The following SAMHD1 variants were observed in gnomAD, a reference collection of about 807,000 sequenced individuals.
SAMHD1 encodes deoxynucleoside triphosphate triphosphohydrolase SAMHD1.
SAMHD1 carries 54 observed loss-of-function variants against 79.6 expected under a neutral mutation model. The ratio of observed to expected loss-of-function variants is 0.68; its 90% CI spans 0.55 to 0.85. The LOEUF is 0.85. SAMHD1 is among the 40% of genes least tolerant of loss of function. The pLI is 0.00. For synonymous variants in SAMHD1, 260 were observed against 264.1 expected (o/e 0.98, Z 0.15); for missense variants, 663 against 782.7 (o/e 0.85, Z 1.82).
intron 7 of SAMHD1, among the ~76,000 whole-genome samples, chr20:36,917,643 A>G (rs530804809): frequency 2.0e-4 from 31 of 152,204 alleles, no homozygotes; most frequent in Non-Finnish European, 3.8e-4. Flanking sequence ...AGAGCAAGAC[A>G]CCGTCTCAAA....
chr20:36,938,565 G>T (rs1030222163), intron 3 of SAMHD1, among the ~76,000 whole-genome samples: 2 of 151,818 alleles, frequency 1.3e-5, no homozygotes, highest in Admixed American at 6.6e-5. Flanking sequence ...GGACAGGCAC[G>T]GTGGCACGTG....
chr20:36,891,982 G>C lies in SAMHD1; in HGVS notation c.*950C>G, dbSNP rs1990086117. On this transcript the variant is annotated 3_prime_UTR_variant, in exon 16 of 16. Transcript: ENST00000646673. The stretch of plus-strand genomic sequence containing the variant: ...CCAGGATACTGAGAGAGCAGGTCAG[G>C]GGAGGCCTTCTCCAGGCTGGGCAGT... 1 of 152,346 alleles carries C rather than the reference G, an allele frequency of 6.6e-6. No individual in the cohort carries two copies. The highest frequency in any genetic ancestry group is 1.5e-5 in the Non-Finnish European group (1 of 68,142). The allele number at this position is 152,346 out of a possible 1,614,324, so 9.4% of individuals were successfully genotyped here.
At chr20:36,936,852 G>A (rs1342986008) in intron 3 of SAMHD1, among the ~76,000 whole-genome samples, 1 of 151,848 alleles carries the variant, frequency 6.6e-6, no homozygotes, top group African/African-American at 2.4e-5. Context: ...GTAGAGATGG[G>A]GTTTCTGGCA....
chr20:36,916,549 T>G (rs576768014), intron 9 of SAMHD1, 173 bp downstream of exon 9: 1 of 610,334 alleles, frequency 1.6e-6, no homozygotes, highest in East Asian at 3.0e-5. Context: ...CATGTTAATT[T>G]TATTATTATT....
rs543396174 is a variant in SAMHD1, at chr20:36,930,428, G to A, written c.625+332C>T. On this transcript the variant is annotated intron_variant, in intron 5 of 15. Transcript: ENST00000646673. ...CGAGAATTGCTTGAAACCAGGAAGCGGAGGTTGCAGTGAACCGATAATGAG... is the reference window on the plus strand; with the variant it reads ...CGAGAATTGCTTGAAACCAGGAAGCAGAGGTTGCAGTGAACCGATAATGAG... Among the ~76,000 whole-genome samples, 288 of 152,148 alleles carry A rather than the reference G, an allele frequency of 1.9e-3. 1 individual carries two copies. Among genetic ancestry groups the A allele is most frequent in the African/African-American group, 6.5e-3 (268 of 41,514 alleles).
chr20:36,921,599 G>C (rs966825530), intron 6 of SAMHD1, among the ~76,000 whole-genome samples: 3 of 151,770 alleles, frequency 2.0e-5, no homozygotes, highest in Non-Finnish European at 4.4e-5. Context: ...TTTGGAGACA[G>C]AGTCTAGCTC....
intron 3 of SAMHD1, among the ~76,000 whole-genome samples, chr20:36,939,244 A>G (rs1281467412): frequency 2.7e-5 from 3 of 109,884 alleles, no homozygotes; most frequent in African/African-American, 1.1e-4. Flanking sequence ...ACAGAGCGAG[A>G]CTCCCTCTCA....
At chr20:36,945,493 T>C (rs2063679772) in intron 2 of SAMHD1, among the ~76,000 whole-genome samples, 1 of 152,206 alleles carries the variant, frequency 6.6e-6, no homozygotes, top group Non-Finnish European at 1.5e-5. Context: ...GGTTCTTATG[T>C]ATTTCCCAGT....
chr20:36,910,222 C>CA (rs35505370), intron 11 of SAMHD1, among the ~76,000 whole-genome samples: 74,096 of 121,754 alleles, frequency 0.61, 22,546 homozygotes, highest in East Asian at 0.89. Context: ...GACTCCGTAT[C>CA]AAAAAAAAAA....
chr20:36,921,899 G>T (rs190794979), intron 6 of SAMHD1, among the ~76,000 whole-genome samples: 8 of 152,236 alleles, frequency 5.3e-5, no homozygotes, highest in African/African-American at 1.2e-4. Context: ...ATATTGGCCA[G>T]GCTGGTCTCC....
intron 6 of SAMHD1, 149 bp from the exon 7 acceptor site, chr20:36,919,668 T>C: frequency 1.3e-6 from 1 of 766,192 alleles, no homozygotes. Flanking sequence ...CTTAGGAACA[T>C]TTTTAAAAAC....
Position 36,951,633 on chromosome 20 carries a change from G to A in SAMHD1, c.11C>T (p.Ala4Val), listed in dbSNP as rs755673943. MQR[A>V]DSEQPSKRPR... ...ACGCTTGGAGGGCTGCTCGGAATCG[G>A]CTCGCTGCATGGCTACACCTGGCGT... Residue 4 changes from alanine (A) to valine (V), a missense_variant, in exon 1 of 16, where the codon GCC becomes GTC. Physicochemically the swap from Ala to Val is moderately conservative, Grantham distance 64. Transcript: ENST00000646673. The A allele has an allele frequency of 6.2e-7, 1 of 1,613,644 alleles. No individual in the cohort carries two copies. The highest frequency in any genetic ancestry group is 8.5e-7 in the Non-Finnish European group (1 of 1,179,980).
chr20:36,920,897 C>A (rs761063298), intron 6 of SAMHD1, among the ~76,000 whole-genome samples: 1 of 151,768 alleles, frequency 6.6e-6, no homozygotes, highest in Non-Finnish European at 1.5e-5. Flanking sequence ...GCAGCCTGGG[C>A]AACAAAGCAA....
rs747292001 is a variant in SAMHD1 at position 36,911,259 on chromosome 20, G to A, written c.1229C>T (p.Ser410Phe). The A allele has an allele frequency of 1.2e-6, 2 of 1,613,254 alleles. No homozygotes were observed. The highest frequency in any genetic ancestry group is 2.7e-5 in the African/African-American group (2 of 74,922). The part of the protein sequence containing the change: ...TGAGGKKYRI[S>F]TAIDDMEAYT... ...GGCTTCCATGTCGTCAATTGCTGTA[G>A]AAATGCGATACTTTTTTCCTCCAGC... The change falls in exon 11 of 16, where the codon TCT becomes TTT. Residue 410 changes from serine to phenylalanine, a missense_variant. Ser to Phe is a radical substitution (Grantham distance 155). Coordinates refer to ENST00000646673, the MANE Select transcript of SAMHD1 (RefSeq NM_015474.4).
intron 1 of SAMHD1, among the ~76,000 whole-genome samples, chr20:36,947,548 AGG>A (rs112274530): frequency 0.1 from 5,242 of 50,282 alleles, 631 homozygotes; most frequent in African/African-American, 0.17. Context: ...GATTTGGAAG[AGG>A]GGTGTGTGTG....
At chr20:36,944,614 G>C (rs1487314005) in intron 2 of SAMHD1, among the ~76,000 whole-genome samples, 1 of 152,178 alleles carries the variant, frequency 6.6e-6, no homozygotes, top group East Asian at 1.9e-4. Context: ...AGTATTTAAG[G>C]CCGGTCGCAG....
intron 11 of SAMHD1, among the ~76,000 whole-genome samples, chr20:36,907,570 C>A (rs2063412729): frequency 8.6e-6 from 1 of 116,178 alleles, no homozygotes. Context: ...TAGACAGACT[C>A]ACCCTGTTAC....
In SAMHD1 at chr20:36,921,341, C is replaced by T. The variant is rs961034367; in HGVS notation, c.697-1822G>A. Among the ~76,000 whole-genome samples, 95 of 125,530 alleles carry T rather than the reference C, an allele frequency of 7.6e-4. 1 individual carries two copies. The highest frequency in any genetic ancestry group is 2.9e-3 in the African/African-American group (92 of 31,724). The allele number at this position is 125,530 out of a possible 152,430, so 82.4% of individuals were successfully genotyped here. A position where few individuals can be genotyped will look rare whatever the true frequency, so the allele number is the denominator to read the frequency against. ...TCGGGAGGCGGAGGTTGCAGTGAGC[C>T]GAGATCACGCCACTGCACTACAGGC... On this transcript the variant is annotated intron_variant, in intron 6 of 15. Transcript: ENST00000646673.
At chr20:36,925,633 T>C (rs1044394819) in intron 6 of SAMHD1, among the ~76,000 whole-genome samples, 6 of 152,236 alleles carry the variant, frequency 3.9e-5, no homozygotes, top group Non-Finnish European at 7.3e-5. Context: ...AAAGAATTCC[T>C]ACAACTCAGT....
Sources: gnomAD v4.1 joint callset for allele counts (sites outside exome capture counted in the v4.1 genomes callset) on GRCh38, gnomAD v4.1.1 for gene constraint, MANE v1.5 for transcripts, NCBI Gene and HGNC (gene_info 2026-07-23, HGNC 2026-07-21) for gene names.